The following MIGA2 variants were observed in gnomAD, a reference collection of about 807,000 sequenced individuals.
MIGA2 encodes the protein family with sequence similarity 73, member B.
MIGA2 carries 36 observed loss-of-function variants against 69.9 expected under a neutral mutation model. The observed-to-expected ratio is 0.52, with a 90% CI of 0.39 to 0.68. The LOEUF is 0.68. Among genes scored for constraint, MIGA2 ranks in the 30% least tolerant of loss-of-function variants. The pLI is 0.00. For synonymous variants in MIGA2, 333 were observed against 349.2 expected (o/e 0.95, Z 0.52); for missense variants, 660 against 787.7 (o/e 0.84, Z 1.94).
At chr9:129,058,523 G>T (rs1342082824) in intron 6 of MIGA2, among the ~76,000 whole-genome samples, 2 of 132,336 alleles carry the variant, frequency 1.5e-5, no homozygotes, top group African/African-American at 5.9e-5. Context: ...TTTTTGAGAC[G>T]GAGTCCTGTT....
At chr9:129,067,049 T>C (rs191140937) in intron 11 of MIGA2, among the ~76,000 whole-genome samples, 1 of 136,292 alleles carries the variant, frequency 7.3e-6, no homozygotes, top group Non-Finnish European at 1.5e-5. Context: ...GGCAGGAGAA[T>C]GGCGTGAACC....
intron 11 of MIGA2, among the ~76,000 whole-genome samples, chr9:129,065,286 T>C (rs2131389952): frequency 6.6e-6 from 1 of 151,486 alleles, no homozygotes; most frequent in South Asian, 2.1e-4. Context: ...GCCAACAGAG[T>C]GAGACCCTGT....
intron 9 of MIGA2, among the ~76,000 whole-genome samples, chr9:129,063,011 G>A (rs1846147085): frequency 6.6e-6 from 1 of 152,186 alleles, no homozygotes; most frequent in Non-Finnish European, 1.5e-5. Flanking sequence ...TCTGTACCCG[G>A]TGCCTGAGAG....
In MIGA2 at chr9:129,049,475, A is replaced by G. The variant is rs748414039; in HGVS notation, c.515A>G (p.Asn172Ser). 8 of 1,613,488 alleles carry G rather than the reference A, an allele frequency of 5.0e-6. No individual in the cohort carries two copies. The highest frequency in any genetic ancestry group is 2.2e-5 in the South Asian group (2 of 90,876). The change falls in exon 5 of 16, where the codon AAT becomes AGT. Residue 172 changes from asparagine (N) to serine (S), a missense_variant. Around this residue, in one of 3 missense-constraint regions of MIGA2, gnomAD observed 386 missense variants for 402.0 expected, o/e 0.96. Coordinates refer to ENST00000684074, the MANE Select transcript of MIGA2 (RefSeq NM_001329990.2). Reference sequence around the variant, plus strand: ...GAGTCTCTGACCACCAGCGACGGCAATGCAGAGAGCCTGTACATGCAAGGT... The same window carrying G: ...GAGTCTCTGACCACCAGCGACGGCAGTGCAGAGAGCCTGTACATGCAAGGT... ...MEESLTTSDG[N>S]AESLYMQGME...
Position 129,049,376 on chromosome 9 carries a change from C to G in MIGA2, c.421-5C>G, listed in dbSNP as rs751380194. The G allele has an allele frequency of 5.0e-6, 8 of 1,612,836 alleles. No homozygotes were observed. In the South Asian group the frequency reaches 8.8e-5, roughly 18 times the overall value. ...CTCTTTCTTCTTGCACTGATTGGCG[C>G]CCAGATGATGGCAGTGAACTCATCC... On this transcript the variant is annotated splice_region_variant and splice_polypyrimidine_tract_variant and intron_variant, in intron 4 of 15. Coordinates refer to ENST00000684074, the MANE Select transcript of MIGA2 (RefSeq NM_001329990.2).
chr9:129,042,759 ACC>A (rs374751123), intron 3 of MIGA2, among the ~76,000 whole-genome samples: 38 of 151,008 alleles, frequency 2.5e-4, no homozygotes, highest in African/African-American at 8.5e-4. Context: ...TTAGCTGAGG[ACC>A]CTTTGGGAGC....
intron 3 of MIGA2, among the ~76,000 whole-genome samples, chr9:129,043,384 CTTTTTTTTTTT>C (rs60096838): frequency 1.6e-5 from 2 of 128,350 alleles, no homozygotes; most frequent in Admixed American, 8.0e-5. Context: ...TCTGTTCTCT[CTTTTTTTTTTT>C]TTTTTTTTTG....
chr9:129,060,263 T>C lies in MIGA2; in HGVS notation c.794-287T>C, dbSNP rs1225634971. Among the ~76,000 whole-genome samples the C allele has an allele frequency of 6.6e-6, 1 of 152,162 alleles. No homozygotes were observed. The highest frequency in any genetic ancestry group is 1.9e-4 in the East Asian group (1 of 5,196). On this transcript the variant is annotated intron_variant, in intron 7 of 15. Transcript: ENST00000684074. The surrounding 1 kb of genome is among the most constrained non-coding windows in gnomAD (Gnocchi z 4.8). ...GGCCTTCAGGCCTCAGGTCCAGCGGTGCAACCTGTGAGCCTGGCAGAGCCG... is the reference window on the plus strand; with the variant it reads ...GGCCTTCAGGCCTCAGGTCCAGCGGCGCAACCTGTGAGCCTGGCAGAGCCG...
intron 6 of MIGA2, among the ~76,000 whole-genome samples, chr9:129,055,555 A>C (rs534468682): frequency 6.6e-6 from 1 of 152,234 alleles, no homozygotes; most frequent in African/African-American, 2.4e-5. Context: ...CTTATTGAAA[A>C]ATATCTGGCC....
intron 6 of MIGA2, among the ~76,000 whole-genome samples, chr9:129,055,866 T>C (rs1187351988): frequency 6.6e-6 from 1 of 150,814 alleles, no homozygotes; most frequent in East Asian, 1.9e-4. Flanking sequence ...AAAAAAAAAT[T>C]TGGCCGGGTG....
At chr9:129,036,859 G>A in intron 1 of MIGA2, 178 bp downstream of exon 1, 1 of 832,998 alleles carries the variant, frequency 1.2e-6, no homozygotes, top group Non-Finnish European at 1.5e-6. Flanking sequence ...TTGCTTGGGA[G>A]CGGAACGAGA....
In MIGA2 at chr9:129,069,144, G is replaced by A. The variant is rs1846525889; in HGVS notation, c.1458+15G>A. 1.9e-6 allele frequency: 3 copies of A among 1,613,628 alleles called. No individual in the cohort carries two copies. The highest frequency in any genetic ancestry group is 2.7e-5 in the African/African-American group (2 of 74,918). ...GGCTGCTGATGGTGAGTGACTGGCA[G>A]GCCCGGGGGAGCACGAGCTGGGCTC... On this transcript the variant is annotated intron_variant, in intron 14 of 15. Transcript: ENST00000684074. The surrounding 1 kb of genome is among the most constrained non-coding windows in gnomAD (Gnocchi z 4.9).
At chr9:129,040,882 T>C (rs891037068) in intron 2 of MIGA2, among the ~76,000 whole-genome samples, 192 bp downstream of exon 2, 5 of 152,200 alleles carry the variant, frequency 3.3e-5, no homozygotes, top group Non-Finnish European at 7.3e-5. Flanking sequence ...AACTCTTTTT[T>C]TTTTAATTAA....
Position 129,067,725 on chromosome 9 carries a change from C to T in MIGA2, c.1171-48C>T. On this transcript the variant is annotated intron_variant, in intron 11 of 15. Coordinates refer to ENST00000684074, the MANE Select transcript of MIGA2 (RefSeq NM_001329990.2). ...CCCCCATCCACAGGCCAGCCTGTCC[C>T]TGTGGGTCTTGTCCAGTGACCAGGA... 1.9e-6 allele frequency: 3 copies of T among 1,549,528 alleles called. No individual in the cohort carries two copies. The South Asian group carries it at 3.5e-5, about 18-fold the overall frequency.
intron 3 of MIGA2, among the ~76,000 whole-genome samples, chr9:129,045,801 G>A (rs1442247304): frequency 1.3e-5 from 2 of 150,648 alleles, no homozygotes; most frequent in Admixed American, 1.3e-4. Flanking sequence ...GTGTATTATT[G>A]TTGCAAAAGG....
At chr9:129,048,090 A>G (rs950320273) in intron 3 of MIGA2, among the ~76,000 whole-genome samples, 1 of 152,156 alleles carries the variant, frequency 6.6e-6, no homozygotes, top group African/African-American at 2.4e-5. Flanking sequence ...ATTCTAAACC[A>G]TTCTCTCAAT....
intron 3 of MIGA2, among the ~76,000 whole-genome samples, chr9:129,047,604 G>T (rs770231703): frequency 3.3e-5 from 5 of 151,424 alleles, no homozygotes; most frequent in Non-Finnish European, 5.9e-5. Context: ...TTATAGATGG[G>T]GTTTTACCTT....
At chr9:129,056,601 C>T (rs987449200) in intron 6 of MIGA2, among the ~76,000 whole-genome samples, 2 of 151,908 alleles carry the variant, frequency 1.3e-5, no homozygotes, top group South Asian at 2.1e-4. Flanking sequence ...TCACTGCTAC[C>T]TCCACTTCCT....
rs1846494616 is a variant in MIGA2, at chr9:129,068,484, C to T, written c.1404+152C>T. ...CCAGGCCTGGGAGACCAGAGTCTGC[C>T]CTGGAGAAGCCTCCAGGGTGCCCCG... On this transcript the variant is annotated intron_variant, in intron 13 of 15. Transcript: ENST00000684074. This position sits in a 1 kb window ranked among gnomAD's most constrained non-coding sequence, Gnocchi z 4.1. 1 of 1,049,060 alleles carries T rather than the reference C, an allele frequency of 9.5e-7. No homozygotes were observed. Among genetic ancestry groups the T allele is most frequent in the Non-Finnish European group, 1.4e-6 (1 of 735,278 alleles). The allele number at this position is 1,049,060 out of a possible 1,614,324, so 65.0% of individuals were successfully genotyped here. A position where few individuals can be genotyped will look rare whatever the true frequency, so the allele number is the denominator to read the frequency against.
Sources: allele counts gnomAD v4.1 joint callset (sites outside exome capture counted in the v4.1 genomes callset), GRCh38; gene constraint gnomAD v4.1.1; regional missense constraint gnomAD v4.1.1; non-coding constraint Gnocchi (gnomAD v3.1); transcripts MANE v1.5; gene names NCBI Gene and HGNC (gene_info 2026-07-23, HGNC 2026-07-21).